The following CFAP74 variants were observed in gnomAD, a reference collection of about 807,000 sequenced individuals.
CFAP74 encodes cilia and flagella associated protein 74, also known as cilia- and flagella-associated protein 74.
A neutral mutation model predicts 188.9 loss-of-function variants in CFAP74; 124 were observed. The observed-to-expected ratio is 0.66, with a 90% CI of 0.57 to 0.76. CFAP74 has a LOEUF of 0.76. Among genes scored for constraint, CFAP74 ranks in the 30% least tolerant of loss-of-function variants. CFAP74 has a pLI of 0.00. For synonymous variants in CFAP74, 956 were observed against 916.7 expected (o/e 1.04, Z -0.77); for missense variants, 2,198 against 2,165.2 (o/e 1.02, Z -0.30).
chr1:1,926,278 C>G lies in CFAP74; in HGVS notation c.3898G>C (p.Gly1300Arg). The G allele has an allele frequency of 6.5e-7, 1 of 1,542,420 alleles. No individual in the cohort carries two copies. Among genetic ancestry groups the G allele is most frequent in the Non-Finnish European group, 8.8e-7 (1 of 1,142,386 alleles). The change falls in exon 32 of 39, where the codon GGT becomes CGT. Residue 1300 changes from glycine (G) to arginine (R), a missense_variant. Physicochemically the swap from Gly to Arg is moderately radical, Grantham distance 125 (BLOSUM62 -2). Transcript: ENST00000682832. ...GAAAGCACCAGGACCTGGGTCCCAC[C>G]TGCACGCAGCAGGCTGGAGTGGTTC... ...LLNHSSLLRAGGTQVLVLSFS... is the reference protein window; with the variant it reads ...LLNHSSLLRARGTQVLVLSFS...
At chr1:1,933,942 C>G (rs1322982738) in intron 25 of CFAP74, among the ~76,000 whole-genome samples, 1 of 152,192 alleles carries the variant, frequency 6.6e-6, no homozygotes, top group Non-Finnish European at 1.5e-5. Context: ...AGGTGCTGCT[C>G]TGACAGCCCG....
intron 25 of CFAP74, 25 bp from the exon 26 acceptor site, chr1:1,930,361 C>T (rs906675395): frequency 1.3e-6 from 2 of 1,500,706 alleles, no homozygotes; most frequent in African/African-American, 2.8e-5. Context: ...ATGGGAGGCC[C>T]TCAGCCGTGC....
intron 1 of CFAP74, among the ~76,000 whole-genome samples, chr1:1,991,833 A>G (rs1296693459): frequency 2.6e-5 from 4 of 151,970 alleles, no homozygotes; most frequent in Non-Finnish European, 4.4e-5. Context: ...AGGTCAGGAG[A>G]TCGAGACTAT....
chr1:1,924,207 T>C (rs78684310), intron 34 of CFAP74, among the ~76,000 whole-genome samples, 184 bp downstream of exon 34: 10,687 of 17,988 alleles, frequency 0.59, 3,659 homozygotes, highest in Admixed American at 0.66. Context: ...TCACCGCCCG[T>C]GCCCGCCAGC....
chr1:1,959,121 G>A lies in CFAP74; in HGVS notation c.1850C>T (p.Ser617Leu), dbSNP rs746490453. The A allele has an allele frequency of 1.3e-5, 21 of 1,608,088 alleles. No individual in the cohort carries two copies. The highest frequency in any genetic ancestry group is 1.6e-4 in the Middle Eastern group (1 of 6,074). ...VPLKCSTKKC[S>L]LSLDKELIDF... is the part of the protein sequence containing the mutation. Reference sequence around the variant, plus strand: ...TGGCTCGGACACCTTTGAACTCACCGAACATTTCTTTGTTGAACATTTCAG... The same window carrying A: ...TGGCTCGGACACCTTTGAACTCACCAAACATTTCTTTGTTGAACATTTCAG... The change falls in exon 16 of 39, where the codon TCG becomes TTG. Residue 617 changes from serine (S) to leucine (L), a missense_variant and splice_region_variant. Transcript: ENST00000682832.
At position 1,942,398 on chromosome 1, in the gene CFAP74, G is replaced by A. The variant is rs1487683149; in HGVS notation, c.2487-242C>T. Among the ~76,000 whole-genome samples, 3 of 152,112 alleles carry A rather than the reference G, an allele frequency of 2.0e-5. No individual in the cohort carries two copies. Among genetic ancestry groups the A allele is most frequent in the Non-Finnish European group, 2.9e-5 (2 of 68,014 alleles). ...TTCTTAAAAATAACCACATCGAAAC[G>A]GAAGCACGGTCCTAATGGGCTCTCG... On this transcript the variant is annotated intron_variant, in intron 21 of 38. Coordinates refer to ENST00000682832, the MANE Select transcript of CFAP74 (RefSeq NM_001304360.2). This position sits in a 1 kb window ranked among gnomAD's most constrained non-coding sequence, Gnocchi z 4.3.
chr1:1,965,029 C>T lies in CFAP74; in HGVS notation c.1434G>A (p.Val478=), dbSNP rs377108321. ...TGTCCTTGTCCATCTTTGTCCCGCC[C>T]ACGGGCTTTCGGTCCACGTCCTCCT... The part of the protein sequence containing the change: ...VPKEDVDRKP[V]GGTKMDKDIL... The change falls in exon 13 of 39, where the codon GTG becomes GTA. Residue 478 remains valine (V), a synonymous_variant. Coordinates refer to ENST00000682832, the MANE Select transcript of CFAP74 (RefSeq NM_001304360.2). 1 of 1,613,560 alleles carries T rather than the reference C, an allele frequency of 6.2e-7. No individual in the cohort carries two copies. The highest frequency in any genetic ancestry group is 8.5e-7 in the Non-Finnish European group (1 of 1,179,824).
intron 1 of CFAP74, among the ~76,000 whole-genome samples, chr1:1,998,671 A>G (rs1447585003): frequency 1.3e-5 from 2 of 152,060 alleles, no homozygotes; most frequent in Non-Finnish European, 2.9e-5. Flanking sequence ...TCAGGAGATC[A>G]AGACCATCCT....
At chr1:1,988,464 T>TG (rs763168238) in intron 4 of CFAP74, 48 bp downstream of exon 4, 4 of 1,601,658 alleles carry the variant, frequency 2.5e-6, no homozygotes, top group Non-Finnish European at 3.4e-6. Flanking sequence ...TGTCACGGCC[T>TG]GGGGGGCATC....
intron 1 of CFAP74, among the ~76,000 whole-genome samples, chr1:1,998,545 C>T (rs2102121083): frequency 6.6e-6 from 1 of 152,092 alleles, no homozygotes; most frequent in East Asian, 1.9e-4. Flanking sequence ...TTTGACTTTG[C>T]AATTTTCCAT....
chr1:1,961,687 CTTAAAA>C (rs1305568572), intron 14 of CFAP74, among the ~76,000 whole-genome samples: 6 of 152,142 alleles, frequency 3.9e-5, no homozygotes, highest in Non-Finnish European at 7.3e-5. Context: ...ACCCTCCAGA[CTTAAAA>C]TTAACCATAA....
rs1355935050 is a variant in CFAP74 at position 1,969,268 on chromosome 1, C to T, written c.1047-435G>A. 4.4e-5 allele frequency among the ~76,000 whole-genome samples: 6 copies of T among 137,486 alleles called. No individual in the cohort carries two copies. In the East Asian group the frequency reaches 1.3e-3, roughly 30 times the overall value. 90.2% of individuals were successfully genotyped at this position (137,486 alleles called of 152,430 possible). A position where few individuals can be genotyped will look rare whatever the true frequency, so the allele number is the denominator to read the frequency against. On this transcript the variant is annotated intron_variant, in intron 10 of 38. Coordinates refer to ENST00000682832, the MANE Select transcript of CFAP74 (RefSeq NM_001304360.2). ...CTGCCCAGCCCTGCCCAACCCAGCCCTGCCCTGCCCTGCCCAGCCCAGGCC... is the reference window on the plus strand; with the variant it reads ...CTGCCCAGCCCTGCCCAACCCAGCCTTGCCCTGCCCTGCCCAGCCCAGGCC...
chr1:1,967,085 C>T (rs1016213036), intron 11 of CFAP74, among the ~76,000 whole-genome samples: 1 of 152,198 alleles, frequency 6.6e-6, no homozygotes, highest in Admixed American at 6.5e-5. Context: ...ATCCACTCAC[C>T]CTAGCCTCCC....
intron 1 of CFAP74, among the ~76,000 whole-genome samples, chr1:1,996,249 T>C (rs902756274): frequency 1.3e-5 from 2 of 152,166 alleles, no homozygotes; most frequent in Non-Finnish European, 2.9e-5. Context: ...CCTTCCGAAG[T>C]GCTGGGATTA....
rs533683826 is a variant in CFAP74, at chr1:1,957,627, C to T, written c.1852-843G>A. ...CTGCAAAGACCAAATGCGGGAGAGG[C>T]CGGGGCAGCTCTGGCCAGGACACCT... On this transcript the variant is annotated intron_variant, in intron 16 of 38. Transcript: ENST00000682832. Among the ~76,000 whole-genome samples, 10 of 152,342 alleles carry T rather than the reference C, an allele frequency of 6.6e-5. No homozygotes were observed. In the East Asian group the frequency reaches 1.7e-3, roughly 26 times the overall value.
chr1:1,962,429 T>C (rs181552577), intron 14 of CFAP74, among the ~76,000 whole-genome samples: 3 of 148,026 alleles, frequency 2.0e-5, no homozygotes, highest in East Asian at 2.0e-4. Flanking sequence ...GGAGCCGAGA[T>C]TGTGCCACTA....
chr1:1,966,107 T>C (rs951310847), intron 12 of CFAP74, among the ~76,000 whole-genome samples: 1 of 152,216 alleles, frequency 6.6e-6, no homozygotes, highest in African/African-American at 2.4e-5. Flanking sequence ...CGTTACACCA[T>C]GGTGACCGAG....
chr1:1,972,914 AG>A (rs1656190479), intron 8 of CFAP74, 22 bp downstream of exon 8: 2 of 1,489,852 alleles, frequency 1.3e-6, no homozygotes, highest in Middle Eastern at 1.7e-4. Flanking sequence ...TTTCTCCTTA[AG>A]GACGTCGAAG....
chr1:1,923,852 C>T lies in CFAP74; in HGVS notation c.4312G>A (p.Asp1438Asn), dbSNP rs778039353. ...KGVMDPGKTQ[D>N]FTVTFSPDHE... ...TCGGGGCTGAAGGTGACAGTGAAGT[C>T]TTGTGTCTTCCCGGGGTCCATGACG... Residue 1438 changes from aspartate (D) to asparagine (N), a missense_variant, in exon 35 of 39, where the codon GAC becomes AAC. Physicochemically the swap from Asp to Asn is conservative, Grantham distance 23. Transcript: ENST00000682832. This position sits in a 1 kb window ranked among gnomAD's most constrained non-coding sequence, Gnocchi z 6.3. 6.2e-7 allele frequency: 1 copy of T among 1,613,250 alleles called. No individual in the cohort carries two copies. Among genetic ancestry groups the T allele is most frequent in the African/African-American group, 1.3e-5 (1 of 74,852 alleles).
Sources: gnomAD v4.1 joint callset for allele counts (sites outside exome capture counted in the v4.1 genomes callset) on GRCh38, gnomAD v4.1.1 for gene constraint, Gnocchi (gnomAD v3.1) non-coding constraint, MANE v1.5 for transcripts, NCBI Gene and HGNC (gene_info 2026-07-23, HGNC 2026-07-21) for gene names.